RGPD2: variants seen among roughly 807,000 people sequenced by gnomAD.
RGPD2 encodes the protein RANBP2 like and GRIP domain containing 2.
RGPD2 carries 2 observed loss-of-function variants against 36.0 expected under a neutral mutation model. The observed-to-expected ratio is 0.06, with a 90% confidence interval of 0.02 to 0.17. RGPD2 has a LOEUF of 0.17. Among genes scored for constraint, RGPD2 ranks in the 10% least tolerant of loss-of-function variants. The pLI is 1.00. For synonymous variants in RGPD2, 19 were observed against 163.8 expected, an observed-to-expected ratio of 0.12 and a Z score of 6.75; for missense variants, 40 against 464.3, an observed-to-expected ratio of 0.09 and a Z score of 8.40.
the RGPD2 span, among the ~76,000 whole-genome samples, chr2:87,982,447 CAT>C: frequency 1.0e-3 from 22 of 21,688 alleles, no homozygotes; most frequent in African/African-American, 1.7e-3. Context: ...CCAGTGCACT[CAT>C]GTAACACATC....
intron 6 of RGPD2, among the ~76,000 whole-genome samples, chr2:87,807,246 A>C (rs1685984848): frequency 7.0e-6 from 1 of 142,752 alleles, no homozygotes. Flanking sequence ...ATATAATTTC[A>C]TTATTTAATT....
At chr2:87,917,888 A>C in the RGPD2 span, among the ~76,000 whole-genome samples, 7 of 119,838 alleles carry the variant, frequency 5.8e-5, 1 homozygote, top group African/African-American at 1.5e-4. Flanking sequence ...TTGAACATAA[A>C]TTTCTATTAT....
chr2:87,823,700 ATG>A (rs893799132), intron 1 of RGPD2, among the ~76,000 whole-genome samples: 4 of 143,296 alleles, frequency 2.8e-5, no homozygotes, highest in Non-Finnish European at 4.5e-5. Context: ...ACAAAAGTAT[ATG>A]TGTGTGTTAC....
At chr2:87,985,351 G>A in the RGPD2 span, among the ~76,000 whole-genome samples, 2 of 150,434 alleles carry the variant, frequency 1.3e-5, no homozygotes, top group Non-Finnish European at 3.0e-5. Flanking sequence ...TAAACAAGGA[G>A]TCAGAAGATG....
chr2:87,864,436 C>G, the RGPD2 span, among the ~76,000 whole-genome samples: 1 of 152,240 alleles, frequency 6.6e-6, no homozygotes, highest in Admixed American at 6.5e-5. Context: ...GATGCTCAGG[C>G]CTTTGGACTT....
At chr2:87,916,678 G>A in the RGPD2 span, among the ~76,000 whole-genome samples, 1 of 151,912 alleles carries the variant, frequency 6.6e-6, no homozygotes, top group Non-Finnish European at 1.5e-5. Flanking sequence ...GTCACGCGAA[G>A]TGGCTCACTC....
At chr2:87,846,456 G>A in the RGPD2 span, among the ~76,000 whole-genome samples, 1 of 152,004 alleles carries the variant, frequency 6.6e-6, no homozygotes, top group South Asian at 2.1e-4. Flanking sequence ...AATATTGGAT[G>A]TGATGTGAAC....
chr2:87,935,589 T>C, the RGPD2 span, among the ~76,000 whole-genome samples: 8 of 150,648 alleles, frequency 5.3e-5, no homozygotes, highest in Non-Finnish European at 8.9e-5. Flanking sequence ...TACATGCATG[T>C]TTGAATTTCA....
At chr2:87,825,509 C>T (rs1305803955) in intron 1 of RGPD2, 149 bp downstream of exon 1, 1 of 307,860 alleles carries the variant, frequency 3.2e-6, no homozygotes, top group African/African-American at 3.9e-5. Flanking sequence ...AGGCCGAGGC[C>T]GAGGCCGCCG....
the RGPD2 span, among the ~76,000 whole-genome samples, chr2:87,940,579 G>C: frequency 1.4e-5 from 2 of 138,416 alleles, no homozygotes; most frequent in Admixed American, 7.6e-5. Context: ...GGGGTTTGGT[G>C]GATAAAATTA....
the RGPD2 span, among the ~76,000 whole-genome samples, chr2:87,957,403 A>G: frequency 2.6e-5 from 4 of 151,600 alleles, no homozygotes; most frequent in Admixed American, 6.6e-5. Flanking sequence ...GCCTCTTGAC[A>G]TTATATATAA....
At chr2:87,853,187 A>T in the RGPD2 span, among the ~76,000 whole-genome samples, 3 of 149,014 alleles carry the variant, frequency 2.0e-5, no homozygotes, top group Non-Finnish European at 3.0e-5. Flanking sequence ...TATTAGTCAC[A>T]TTTATCCAAT....
chr2:87,940,221 T>C, the RGPD2 span, among the ~76,000 whole-genome samples: 1 of 151,962 alleles, frequency 6.6e-6, no homozygotes, highest in South Asian at 2.1e-4. Context: ...AGTGTTAAAG[T>C]GGGCTGAAGG....
the RGPD2 span, among the ~76,000 whole-genome samples, chr2:87,940,920 A>C: frequency 0.17 from 25,376 of 151,344 alleles, 2,598 homozygotes; most frequent in Non-Finnish European, 0.25. Context: ...TTATCTACAA[A>C]GACCAATAAT....
the RGPD2 span, among the ~76,000 whole-genome samples, chr2:87,943,600 T>C: frequency 6.6e-6 from 1 of 151,890 alleles, no homozygotes; most frequent in African/African-American, 2.4e-5. Context: ...GTCTCTTTAC[T>C]CTGTTGATTG....
the RGPD2 span, among the ~76,000 whole-genome samples, chr2:87,961,740 T>C: frequency 2.8e-5 from 4 of 143,136 alleles, no homozygotes; most frequent in African/African-American, 1.0e-4. Context: ...CCGCAGTCAG[T>C]CCTGCGGGTG....
At chr2:87,781,664 A>G (rs4040444) in intron 20 of RGPD2, among the ~76,000 whole-genome samples, 3 of 149,314 alleles carry the variant, frequency 2.0e-5, no homozygotes, top group Admixed American at 6.7e-5. Context: ...GTTTCACCAC[A>G]TTGGCCAGGC....
At chr2:87,846,574 T>C in the RGPD2 span, among the ~76,000 whole-genome samples, 2 of 152,130 alleles carry the variant, frequency 1.3e-5, no homozygotes, top group East Asian at 1.9e-4. Context: ...AATTAAATAT[T>C]CTGATGAACA....
At chr2:87,824,669 G>GA (rs1038568476) in intron 1 of RGPD2, among the ~76,000 whole-genome samples, 10 of 139,240 alleles carry the variant, frequency 7.2e-5, no homozygotes, top group South Asian at 2.5e-4. Context: ...AAATTTGGGG[G>GA]AAAAAAAAAG....
Sources: allele counts gnomAD v4.1 joint callset (sites outside exome capture counted in the v4.1 genomes callset), GRCh38; gene constraint gnomAD v4.1.1; transcripts MANE v1.5; gene names NCBI Gene and HGNC (gene_info 2026-07-23, HGNC 2026-07-21).